TMEM132E: variants seen among roughly 807,000 people sequenced by gnomAD.
TMEM132E encodes the protein transmembrane protein 132E.
In TMEM132E, 49 loss-of-function variants were observed where a neutral mutation model predicts 78.5. The ratio of observed to expected loss-of-function variants is 0.62; its 90% CI spans 0.50 to 0.79. The LOEUF is 0.79. Among genes scored for constraint, TMEM132E ranks in the 30% least tolerant of loss-of-function variants. The probability of loss-of-function intolerance (pLI) is 0.00; values close to 1 mark genes in which losing one functional copy is unlikely to be tolerated. For missense variants in TMEM132E, 1,403 were observed against 1,470.9 expected, an observed-to-expected ratio of 0.95 and a Z score of 0.75; for synonymous variants, 715 against 670.6, an observed-to-expected ratio of 1.07 and a Z score of -1.02.
intron 8 of TMEM132E, among the ~76,000 whole-genome samples, chr17:34,636,682 G>A (rs538435054): frequency 6.6e-6 from 1 of 152,272 alleles, no homozygotes; most frequent in South Asian, 2.1e-4. Context: ...TCACCCCAAG[G>A]CAATCACTTC....
At position 34,586,818 on chromosome 17, in the gene TMEM132E, AG is replaced by A. The variant is rs1449614628; in HGVS notation, c.67+5678del. 2.1e-5 allele frequency among the ~76,000 whole-genome samples: 3 copies of A among 144,098 alleles called. No individual in the cohort carries two copies. The South Asian group carries it at 6.7e-4, about 32-fold the overall frequency. The allele number at this position is 144,098 out of a possible 152,430, so 94.5% of individuals were successfully genotyped here. On this transcript the variant is annotated intron_variant, in intron 1 of 8. Transcript: ENST00000631683. ...TGAATAATTCAATGCAAAAAAAAAAAGGGAAGTAGAAAAGATAATTGAAGAA... is the reference window on the plus strand; with the variant it reads ...TGAATAATTCAATGCAAAAAAAAAAAGGAAGTAGAAAAGATAATTGAAGAA...
chr17:34,635,930 T>C (rs1907504231), intron 7 of TMEM132E, 77 bp from the exon 8 acceptor site: 3 of 1,295,232 alleles, frequency 2.3e-6, no homozygotes, highest in Non-Finnish European at 3.0e-6. Context: ...GTGCTGGGAT[T>C]TCTCCCTAGC....
At position 34,638,184 on chromosome 17, in the gene TMEM132E, A is replaced by G. The variant is rs2142090200; in HGVS notation, c.3177A>G (p.Ala1059=). 6.2e-7 allele frequency: 1 copy of G among 1,604,040 alleles called. No homozygotes were observed. The highest frequency in any genetic ancestry group is 2.3e-5 in the East Asian group (1 of 44,440). Residue 1059 remains alanine, a synonymous_variant, in exon 9 of 9, where the codon GCA becomes GCG. Coordinates refer to ENST00000631683, the MANE Select transcript of TMEM132E (RefSeq NM_001304438.2). ...PDVAGPTRPT[A]PPDLHNYMRR... ...TGGCGGGCCCCACGCGGCCCACTGCACCCCCGGACCTGCACAATTACATGC... is the reference window on the plus strand; with the variant it reads ...TGGCGGGCCCCACGCGGCCCACTGCGCCCCCGGACCTGCACAATTACATGC...
At chr17:34,583,833 A>G (rs1029747299) in intron 1 of TMEM132E, among the ~76,000 whole-genome samples, 6 of 152,206 alleles carry the variant, frequency 3.9e-5, no homozygotes, top group Non-Finnish European at 8.8e-5. Flanking sequence ...TCCTGGACAG[A>G]GACCATGTGT....
intron 1 of TMEM132E, among the ~76,000 whole-genome samples, chr17:34,608,025 A>G (rs1261922340): frequency 6.6e-6 from 1 of 152,232 alleles, no homozygotes; most frequent in East Asian, 1.9e-4. Context: ...CTCAGTCTCC[A>G]GCTCTTGTCC....
At chr17:34,622,376 C>T (rs1397937764) in intron 1 of TMEM132E, among the ~76,000 whole-genome samples, 2 of 152,170 alleles carry the variant, frequency 1.3e-5, no homozygotes, top group Non-Finnish European at 2.9e-5. Flanking sequence ...CTGAAGGGCC[C>T]CAGCAGGATG....
chr17:34,594,518 TA>T (rs1256755177), intron 1 of TMEM132E, among the ~76,000 whole-genome samples: 2 of 152,220 alleles, frequency 1.3e-5, no homozygotes, highest in African/African-American at 4.8e-5. Context: ...ATAAATGAGT[TA>T]ATGCATGTAA....
chr17:34,607,039 G>A (rs987200175), intron 1 of TMEM132E, among the ~76,000 whole-genome samples: 1 of 152,194 alleles, frequency 6.6e-6, no homozygotes, highest in Non-Finnish European at 1.5e-5. Flanking sequence ...CATCCCTGAT[G>A]GGAATCAATC....
intron 6 of TMEM132E, among the ~76,000 whole-genome samples, chr17:34,633,879 C>T (rs974371308): frequency 2.0e-5 from 3 of 152,200 alleles, no homozygotes; most frequent in East Asian, 1.9e-4. Flanking sequence ...AAGGATGTAG[C>T]GGACTCTGAA....
intron 4 of TMEM132E, among the ~76,000 whole-genome samples, chr17:34,629,471 G>A (rs1312953249): frequency 1.3e-5 from 2 of 152,196 alleles, no homozygotes; most frequent in Non-Finnish European, 2.9e-5. Flanking sequence ...TGCAGAAGGA[G>A]GTAGCAATGC....
chr17:34,610,004 C>T (rs1024144357), intron 1 of TMEM132E, among the ~76,000 whole-genome samples: 8 of 152,142 alleles, frequency 5.3e-5, no homozygotes, highest in Non-Finnish European at 1.0e-4. Flanking sequence ...ATCCCTGACC[C>T]CACCCACCCA....
At chr17:34,613,209 ACACGCG>A (rs1567716013) in intron 1 of TMEM132E, among the ~76,000 whole-genome samples, 6 of 63,628 alleles carry the variant, frequency 9.4e-5, no homozygotes, top group Middle Eastern at 0.011. Context: ...ACACACACAC[ACACGCG>A]CGCGCGCGCG....
At position 34,598,450 on chromosome 17, in the gene TMEM132E, G is replaced by T. The variant is rs536287556; in HGVS notation, c.67+17307G>T. On this transcript the variant is annotated intron_variant, in intron 1 of 8. Transcript: ENST00000631683. The stretch of plus-strand genomic sequence containing the variant: ...GGGGTGAAGCCCAGGAGAAGGATTG[G>T]CTCTTGCTGGGTACCCAGCACCCTC... 2.6e-5 allele frequency among the ~76,000 whole-genome samples: 4 copies of T among 152,236 alleles called. No homozygotes were observed. The East Asian group carries it at 7.7e-4, about 29-fold the overall frequency.
In TMEM132E at chr17:34,627,467, C is replaced by CGTGTGTGCGTGCGCGCGCGCGT. The variant is rs1555564416; in HGVS notation, c.998+417_998+418insCGTGCGCGCGCGCGTGTGTGTG. Among the ~76,000 whole-genome samples, 780 of 126,536 alleles carry CGTGTGTGCGTGCGCGCGCGCGT rather than the reference C, an allele frequency of 6.2e-3. 14 individuals are homozygous for CGTGTGTGCGTGCGCGCGCGCGT. Among genetic ancestry groups the CGTGTGTGCGTGCGCGCGCGCGT allele is most frequent in the African/African-American group, 0.023 (752 of 33,234 alleles). The allele number at this position is 126,536 out of a possible 152,430, so 83.0% of individuals were successfully genotyped here. A position where few individuals can be genotyped will look rare whatever the true frequency, so the allele number is the denominator to read the frequency against. ...CCTCTTGGCTGGGAGCCAAAAGAAT[C>CGTGTGTGCGTGCGCGCGCGCGT]GTGTGTGTGTGTGTGTGTGTGTGTG... On this transcript the variant is annotated intron_variant, in intron 2 of 8. Coordinates refer to ENST00000631683, the MANE Select transcript of TMEM132E (RefSeq NM_001304438.2).
intron 1 of TMEM132E, among the ~76,000 whole-genome samples, chr17:34,583,006 G>C (rs1236586530): frequency 1.3e-5 from 2 of 152,234 alleles, no homozygotes; most frequent in African/African-American, 4.8e-5. Context: ...AATCCTGCCT[G>C]TTCCTAAGAC....
In TMEM132E at chr17:34,607,179, T is replaced by G. The variant is rs939476687; in HGVS notation, c.68-18948T>G. The stretch of plus-strand genomic sequence containing the variant: ...GGTTCCAAGACAGCCTTCCCCAAAC[T>G]TTTATGCACTGATCTTAGCTCTACC... On this transcript the variant is annotated intron_variant, in intron 1 of 8. Transcript: ENST00000631683. Among the ~76,000 whole-genome samples the G allele has an allele frequency of 1.5e-4, 23 of 152,206 alleles. 1 individual carries two copies. Among genetic ancestry groups the G allele is most frequent in the Admixed American group, 1.5e-3 (23 of 15,288 alleles).
chr17:34,633,276 C>T (rs947720357), intron 6 of TMEM132E, among the ~76,000 whole-genome samples: 1 of 152,260 alleles, frequency 6.6e-6, no homozygotes, highest in Non-Finnish European at 1.5e-5. Context: ...GAAGAGACAA[C>T]TCTTGAGCTA....
intron 5 of TMEM132E, among the ~76,000 whole-genome samples, chr17:34,630,725 C>T (rs1345173061): frequency 1.3e-5 from 2 of 152,098 alleles, no homozygotes; most frequent in African/African-American, 2.4e-5. Flanking sequence ...GCCCCACTCC[C>T]GGCACACACG....
chr17:34,581,155 G>T lies in TMEM132E; in HGVS notation c.67+12G>T. 6.6e-7 allele frequency: 1 copy of T among 1,506,270 alleles called. No homozygotes were observed. The highest frequency in any genetic ancestry group is 8.8e-7 in the Non-Finnish European group (1 of 1,131,996). 93.3% of individuals were successfully genotyped at this position (1,506,270 alleles called of 1,614,324 possible). A position where few individuals can be genotyped will look rare whatever the true frequency, so the allele number is the denominator to read the frequency against. On this transcript the variant is annotated intron_variant, in intron 1 of 8. Coordinates refer to ENST00000631683, the MANE Select transcript of TMEM132E (RefSeq NM_001304438.2). Reference sequence around the variant, plus strand: ...GCTACTCGCCCACGGTAAGTGTCGCGGCGCGGACTGGGGGTGAGGATGCGG... The same window carrying T: ...GCTACTCGCCCACGGTAAGTGTCGCTGCGCGGACTGGGGGTGAGGATGCGG...
Sources: gnomAD v4.1 joint callset for allele counts (sites outside exome capture counted in the v4.1 genomes callset) on GRCh38, gnomAD v4.1.1 for gene constraint, MANE v1.5 for transcripts, NCBI Gene and HGNC (gene_info 2026-07-23, HGNC 2026-07-21) for gene names.